INO80D: variants seen among roughly 807,000 people sequenced by gnomAD.
The protein encoded by INO80D is INO80 complex subunit D.
A neutral mutation model predicts 87.6 loss-of-function variants in INO80D; 21 were observed. The observed-to-expected ratio is 0.24, with a 90% CI of 0.17 to 0.35. INO80D has a LOEUF of 0.35. INO80D is among the 10% of genes least tolerant of loss of function. INO80D has a pLI of 1.00. For synonymous variants in INO80D, 440 were observed against 491.0 expected, an observed-to-expected ratio of 0.90 and a Z score of 1.37; for missense variants, 982 against 1,280.7, an observed-to-expected ratio of 0.77 and a Z score of 3.56.
In INO80D at chr2:206,004,674, G is replaced by A. The variant is rs1453895629; in HGVS notation, c.2778C>T (p.Asn926=). ...TSLSTPPTTS[N]SETTQPAFAT... is the part of the protein sequence containing the mutation. The stretch of plus-strand genomic sequence containing the variant: ...CGAAGGCAGGCTGTGTGGTCTCTGA[G>A]TTCGAAGTGGTGGGTGGCGTGGATA... Residue 926 remains asparagine, a synonymous_variant, in exon 11 of 11, where the codon AAC becomes AAT. Coordinates refer to ENST00000403263, the MANE Select transcript of INO80D (RefSeq NM_017759.5). This position sits in a 1 kb window ranked among gnomAD's most constrained non-coding sequence, Gnocchi z 4.9. 1 of 1,614,008 alleles carries A rather than the reference G, an allele frequency of 6.2e-7. No homozygotes were observed. Among genetic ancestry groups the A allele is most frequent in the South Asian group, 1.1e-5 (1 of 91,076 alleles).
intron 8 of INO80D, among the ~76,000 whole-genome samples, chr2:206,016,682 G>A (rs1283772863): frequency 2.0e-5 from 3 of 152,200 alleles, no homozygotes; most frequent in East Asian, 1.9e-4. Context: ...TAATTCCCAC[G>A]TGTTGTGGGA....
chr2:206,052,819 T>A (rs903258802), intron 4 of INO80D, among the ~76,000 whole-genome samples: 4 of 151,944 alleles, frequency 2.6e-5, no homozygotes, highest in Non-Finnish European at 5.9e-5. Flanking sequence ...TATTTTAAAT[T>A]TATCAGTTTT....
intron 6 of INO80D, among the ~76,000 whole-genome samples, chr2:206,022,358 C>G (rs1330708304): frequency 6.6e-6 from 1 of 151,862 alleles, no homozygotes; most frequent in Non-Finnish European, 1.5e-5. Context: ...CAGAGCAGAA[C>G]TCTGTCTCAA....
intron 10 of INO80D, among the ~76,000 whole-genome samples, chr2:206,005,883 C>G (rs78134893): frequency 0.027 from 4,078 of 152,284 alleles, 84 homozygotes; most frequent in South Asian, 0.043. Context: ...ATAATATTAT[C>G]ATCATTAACA....
chr2:206,036,367 AG>A (rs760754808), intron 5 of INO80D, among the ~76,000 whole-genome samples: 72 of 152,328 alleles, frequency 4.7e-4, no homozygotes, highest in Non-Finnish European at 8.8e-4. Context: ...GAGTGGATAA[AG>A]AAACTGTGGT....
chr2:206,075,241 CA>C (rs1690080463), intron 1 of INO80D, among the ~76,000 whole-genome samples: 1 of 152,102 alleles, frequency 6.6e-6, no homozygotes, highest in South Asian at 2.1e-4. Context: ...AACAATTTGA[CA>C]AAAATATGAA....
intron 6 of INO80D, among the ~76,000 whole-genome samples, chr2:206,022,358 C>T (rs1330708304): frequency 2.0e-5 from 3 of 151,862 alleles, no homozygotes; most frequent in Non-Finnish European, 2.9e-5. Flanking sequence ...CAGAGCAGAA[C>T]TCTGTCTCAA....
At chr2:206,028,027 C>T in intron 6 of INO80D, 84 bp downstream of exon 6, 1 of 916,834 alleles carries the variant, frequency 1.1e-6, no homozygotes, top group South Asian at 2.0e-5. Context: ...TGGTCATCTC[C>T]CACTGTGCCT....
At chr2:206,078,156 G>T (rs562796453) in intron 1 of INO80D, among the ~76,000 whole-genome samples, 2 of 150,862 alleles carry the variant, frequency 1.3e-5, no homozygotes, top group South Asian at 4.2e-4. Flanking sequence ...AGTGGCTCAG[G>T]CCTGTAATCC....
chr2:206,054,551 T>G (rs1689462989), intron 4 of INO80D, among the ~76,000 whole-genome samples: 1 of 152,160 alleles, frequency 6.6e-6, no homozygotes, highest in Non-Finnish European at 1.5e-5. Context: ...TCTCGCTCTG[T>G]CACCCAGGCT....
intron 8 of INO80D, among the ~76,000 whole-genome samples, chr2:206,010,508 T>A (rs1055815405): frequency 6.6e-6 from 1 of 152,180 alleles, no homozygotes; most frequent in Non-Finnish European, 1.5e-5. Flanking sequence ...GGCAACATTT[T>A]TTTTCTTTCT....
At position 206,015,731 on chromosome 2, in the gene INO80D, A is replaced by T. The variant is rs143794918; in HGVS notation, c.1542+1949T>A. Reference sequence around the variant, plus strand: ...GAAACCCTGTCTCTGCTAAAAATACACACAAATTAGCCAAGCGTGGTGGCA... The same window carrying T: ...GAAACCCTGTCTCTGCTAAAAATACTCACAAATTAGCCAAGCGTGGTGGCA... On this transcript the variant is annotated intron_variant, in intron 8 of 10. Transcript: ENST00000403263. Among the ~76,000 whole-genome samples the T allele has an allele frequency of 2.4e-4, 37 of 152,282 alleles. No homozygotes were observed. In the East Asian group the frequency reaches 6.8e-3, roughly 28 times the overall value.
intron 3 of INO80D, among the ~76,000 whole-genome samples, chr2:206,061,665 G>A (rs1472941378): frequency 1.3e-5 from 2 of 152,196 alleles, no homozygotes; most frequent in African/African-American, 4.8e-5. Context: ...AATTCTAAGA[G>A]AGTATTCCTA....
rs1687828952 is a variant in INO80D at position 205,997,465 on chromosome 2, G to C, written c.*6903C>G. 6.6e-6 allele frequency: 1 copy of C among 151,824 alleles called. No homozygotes were observed. The highest frequency in any genetic ancestry group is 6.6e-5 in the Admixed American group (1 of 15,230). 9.4% of individuals were successfully genotyped at this position (151,824 alleles called of 1,614,324 possible). ...CCCTTCCAAAAATTGTTTATGAAAG[G>C]CCTATACTTTTTCTTAACTTCACCA... On this transcript the variant is annotated 3_prime_UTR_variant, in exon 11 of 11. Transcript: ENST00000403263.
rs908706180 is a variant in INO80D, at chr2:205,993,884, TAAAC to T, written c.*10480_*10483del. ...GTAAACTTTTGTATACAAAAACCCT[TAAAC>T]AAATTAAACAAGGACCAGATAACAA... On this transcript the variant is annotated 3_prime_UTR_variant, in exon 11 of 11. Coordinates refer to ENST00000403263, the MANE Select transcript of INO80D (RefSeq NM_017759.5). The T allele has an allele frequency of 6.6e-6, 1 of 152,180 alleles. No homozygotes were observed. The highest frequency in any genetic ancestry group is 1.5e-5 in the Non-Finnish European group (1 of 68,030). 9.4% of individuals were successfully genotyped at this position (152,180 alleles called of 1,614,324 possible).
In INO80D at chr2:205,994,884, A is replaced by G. The variant is rs1687780912; in HGVS notation, c.*9484T>C. On this transcript the variant is annotated 3_prime_UTR_variant, in exon 11 of 11. Transcript: ENST00000403263. ...GCAACTTGGAACTCGCAAAAAAAAA[A>G]AAAAAAGAAAGAAAGAAAGAAAGAA... 1 of 151,778 alleles carries G rather than the reference A, an allele frequency of 6.6e-6. No homozygotes were observed. The highest frequency in any genetic ancestry group is 1.5e-5 in the Non-Finnish European group (1 of 67,958). The allele number at this position is 151,778 out of a possible 1,614,324, so 9.4% of individuals were successfully genotyped here.
intron 1 of INO80D, among the ~76,000 whole-genome samples, chr2:206,073,632 A>G (rs1342089980): frequency 6.6e-6 from 1 of 151,600 alleles, no homozygotes; most frequent in African/African-American, 2.4e-5. Context: ...TTCCACCTCA[A>G]CCTCCCAAGG....
intron 8 of INO80D, among the ~76,000 whole-genome samples, chr2:206,010,712 T>C (rs1192886953): frequency 1.3e-5 from 2 of 152,198 alleles, no homozygotes; most frequent in Admixed American, 1.3e-4. Context: ...GGTTTAATCC[T>C]ACTCAAATGC....
At chr2:206,041,758 T>C (rs1486678149) in intron 5 of INO80D, among the ~76,000 whole-genome samples, 4 of 152,176 alleles carry the variant, frequency 2.6e-5, no homozygotes, top group Admixed American at 1.3e-4. Context: ...AGAATTAAAC[T>C]AGAAATCAGT....
Sources: allele counts gnomAD v4.1 joint callset (sites outside exome capture counted in the v4.1 genomes callset), GRCh38; gene constraint gnomAD v4.1.1; non-coding constraint Gnocchi (gnomAD v3.1); transcripts MANE v1.5; gene names NCBI Gene and HGNC (gene_info 2026-07-23, HGNC 2026-07-21).